C2CD5: variants seen among roughly 807,000 people sequenced by gnomAD.
The protein encoded by C2CD5 is C2 domain-containing protein 5.
Under a neutral mutation model 130.3 loss-of-function variants are expected in C2CD5, and 109 were observed. The ratio of observed to expected loss-of-function variants is 0.84; its 90% CI spans 0.72 to 0.98. C2CD5 has a LOEUF of 0.98. Among genes scored for constraint, C2CD5 ranks in the 50% least tolerant of loss-of-function variants. The probability of loss-of-function intolerance (pLI) is 0.00; values close to 1 mark genes in which losing one functional copy is unlikely to be tolerated. For missense variants in C2CD5, 996 were observed against 1,261.8 expected (o/e 0.79, Z 3.19); for synonymous variants, 454 against 429.2 (o/e 1.06, Z -0.71).
intron 16 of C2CD5, 118 bp downstream of exon 16, chr12:22,474,633 C>A: frequency 1.5e-6 from 1 of 662,692 alleles, no homozygotes; most frequent in Non-Finnish European, 2.3e-6. Flanking sequence ...TATATAATAA[C>A]TTTTTAAATA....
rs1248171840 is a variant in C2CD5 at position 22,506,788 on chromosome 12, G to A, written c.1070C>T (p.Pro357Leu). The A allele has an allele frequency of 5.6e-6, 9 of 1,611,346 alleles. No individual in the cohort carries two copies. Among genetic ancestry groups the A allele is most frequent in the African/African-American group, 1.3e-5 (1 of 74,968 alleles). The change falls in exon 10 of 27, where the codon CCT becomes CTT. Residue 357 changes from proline (P) to leucine (L), a missense_variant. Pro to Leu is a moderately conservative substitution (Grantham distance 98, BLOSUM62 -3). Transcript: ENST00000446597. Reference sequence around the variant, plus strand: ...CCCAACGTGTACAAGGAATCCAGGAGGAAATGCCGTCAAGGTAAAAAATGG... The same window carrying A: ...CCCAACGTGTACAAGGAATCCAGGAAGAAATGCCGTCAAGGTAAAAAATGG... ...EFPFFTLTAF[P>L]PGFLVHVGGV...
chr12:22,471,512 A>T, intron 19 of C2CD5, 24 bp from the exon 20 acceptor site: 1 of 1,321,466 alleles, frequency 7.6e-7, no homozygotes, highest in Non-Finnish European at 1.0e-6. Flanking sequence ...AATATTAGTA[A>T]TGTCACTTTT....
intron 10 of C2CD5, among the ~76,000 whole-genome samples, chr12:22,498,112 T>C (rs992122653): frequency 6.6e-6 from 1 of 152,132 alleles, no homozygotes; most frequent in Admixed American, 6.6e-5. Flanking sequence ...TAGGTATAGT[T>C]TGCACATCTG....
chr12:22,524,271 T>C (rs1354638317), intron 6 of C2CD5, among the ~76,000 whole-genome samples: 1 of 152,186 alleles, frequency 6.6e-6, no homozygotes, highest in Non-Finnish European at 1.5e-5. Context: ...AATTTCCTTT[T>C]ACTACAAGCT....
In C2CD5 at chr12:22,484,747, G is replaced by GTCTA; in HGVS notation, c.1496_1499dup (p.Leu501ArgfsTer37). 6.2e-7 allele frequency: 1 copy of GTCTA among 1,605,508 alleles called. No homozygotes were observed. Among genetic ancestry groups the GTCTA allele is most frequent in the Non-Finnish European group, 8.5e-7 (1 of 1,176,574 alleles). Reference sequence around the variant, plus strand: ...CAATAACTGTTGCATCTGTTGGGAGGTCTATAGTTGTAAACAGAACATCAG... The same window carrying GTCTA: ...CAATAACTGTTGCATCTGTTGGGAGGTCTATCTATAGTTGTAAACAGAACATCAG... On this transcript the variant is annotated frameshift_variant, in exon 13 of 27. Transcript: ENST00000446597. LOFTEE classifies it high-confidence loss of function.
At chr12:22,495,091 T>C (rs191817039) in intron 10 of C2CD5, among the ~76,000 whole-genome samples, 42 of 152,226 alleles carry the variant, frequency 2.8e-4, no homozygotes, top group African/African-American at 9.4e-4. Context: ...ATACCTATTT[T>C]CCCAAAAAAT....
At chr12:22,455,730 G>C (rs1367091245) in intron 25 of C2CD5, among the ~76,000 whole-genome samples, 5 of 152,084 alleles carry the variant, frequency 3.3e-5, no homozygotes, top group African/African-American at 9.7e-5. Flanking sequence ...TGTCACCCAG[G>C]CTGGAGTGCA....
At chr12:22,515,035 AG>A (rs1591940281) in intron 8 of C2CD5, 2 of 985,132 alleles carry the variant, frequency 2.0e-6, no homozygotes, top group East Asian at 1.1e-4. Flanking sequence ...TAGAATGATG[AG>A]GGGTAAGGCT....
intron 24 of C2CD5, among the ~76,000 whole-genome samples, chr12:22,457,369 G>A (rs947631759): frequency 6.6e-6 from 1 of 152,146 alleles, no homozygotes; most frequent in Non-Finnish European, 1.5e-5. Context: ...AATTCTTTTG[G>A]AAGAAAAATG....
At chr12:22,451,631 C>T (rs1252077589) in intron 26 of C2CD5, among the ~76,000 whole-genome samples, 1 of 151,640 alleles carries the variant, frequency 6.6e-6, no homozygotes, top group Non-Finnish European at 1.5e-5. Context: ...TTTTTTAGCC[C>T]TCAGTTTTTT....
chr12:22,529,198 T>C (rs184116007), intron 3 of C2CD5, among the ~76,000 whole-genome samples: 32 of 152,338 alleles, frequency 2.1e-4, no homozygotes, highest in Non-Finnish European at 4.0e-4. Flanking sequence ...TTTTCCATAA[T>C]GAAATGTTAA....
chr12:22,460,111 A>C (rs190404255), intron 22 of C2CD5, among the ~76,000 whole-genome samples: 58 of 152,342 alleles, frequency 3.8e-4, no homozygotes, highest in Admixed American at 2.2e-3. Flanking sequence ...ATGAGTGATC[A>C]CAGAGGTAAC....
rs764174998 is a variant in C2CD5, at chr12:22,518,046, T to C, written c.892A>G (p.Lys298Glu). 3 of 1,613,844 alleles carry C rather than the reference T, an allele frequency of 1.9e-6. No individual in the cohort carries two copies. The highest frequency in any genetic ancestry group is 1.3e-5 in the African/African-American group (1 of 74,890). Reference sequence around the variant, plus strand: ...GAAGAGGACTGTCGACTGTAGGACTTGGAAGGTGAAAAGGAATAAGTTTGG... The same window carrying C: ...GAAGAGGACTGTCGACTGTAGGACTCGGAAGGTGAAAAGGAATAAGTTTGG... The part of the protein sequence containing the change: ...KNQTYSFSPS[K>E]SYSRQSSSSD... Residue 298 changes from lysine to glutamate, a missense_variant, in exon 8 of 27, where the codon AAG becomes GAG. By Grantham distance (56) the Lys-to-Glu change is moderately conservative. Around this residue, in one of 9 missense-constraint regions of C2CD5, gnomAD observed 156 missense variants for 165.9 expected, o/e 0.94. Coordinates refer to ENST00000446597, the MANE Select transcript of C2CD5 (RefSeq NM_001286176.2).
chr12:22,454,707 C>T (rs890475398), intron 25 of C2CD5, among the ~76,000 whole-genome samples: 3 of 151,610 alleles, frequency 2.0e-5, no homozygotes, highest in Non-Finnish European at 2.9e-5. Flanking sequence ...TGTTCAATTT[C>T]TTTATATTAC....
At chr12:22,452,025 G>A (rs1938740398) in intron 26 of C2CD5, among the ~76,000 whole-genome samples, 1 of 152,112 alleles carries the variant, frequency 6.6e-6, no homozygotes, top group Non-Finnish European at 1.5e-5. Flanking sequence ...TTCTGTTCTG[G>A]ATAAGCTGAT....
intron 4 of C2CD5, 87 bp downstream of exon 4, chr12:22,527,633 TA>T (rs1950848506): frequency 1.5e-5 from 12 of 808,096 alleles, no homozygotes; most frequent in Non-Finnish European, 2.0e-5. Context: ...ATACATATTT[TA>T]AACCAGCAAA....
chr12:22,486,251 T>C (rs1317673569), intron 12 of C2CD5, among the ~76,000 whole-genome samples: 1 of 151,902 alleles, frequency 6.6e-6, no homozygotes, highest in Non-Finnish European at 1.5e-5. Flanking sequence ...ACAGCTCTAC[T>C]TCAGCCCGTT....
At chr12:22,523,692 G>T in intron 6 of C2CD5, 68 bp from the exon 7 acceptor site, 2 of 1,098,058 alleles carry the variant, frequency 1.8e-6, no homozygotes, top group Non-Finnish European at 1.3e-6. Context: ...ACTGGACATG[G>T]TAGTGGTAAA....
rs549854398 is a variant in C2CD5 at position 22,533,242 on chromosome 12, G to A, written c.177+2016C>T. Among the ~76,000 whole-genome samples the A allele has an allele frequency of 1.6e-4, 25 of 152,184 alleles. No homozygotes were observed. In the East Asian group the frequency reaches 2.9e-3, roughly 18 times the overall value. ...ATAGCTTTGGAGTCAGGCAGTCTTC[G>A]GTTTGAAACCTCACTCTACCACTTA... On this transcript the variant is annotated intron_variant, in intron 3 of 26. Transcript: ENST00000446597.
Sources: allele counts gnomAD v4.1 joint callset (sites outside exome capture counted in the v4.1 genomes callset), GRCh38; gene constraint gnomAD v4.1.1; regional missense constraint gnomAD v4.1.1; transcripts MANE v1.5; gene names NCBI Gene and HGNC (gene_info 2026-07-23, HGNC 2026-07-21).